The following L3MBTL1 variants were observed in gnomAD, a reference collection of about 807,000 sequenced individuals.
L3MBTL1 encodes lethal(3)malignant brain tumor-like protein 1.
In L3MBTL1, 75 loss-of-function variants were observed where a neutral mutation model predicts 105.3. The observed-to-expected ratio is 0.71, with a 90% CI of 0.59 to 0.86. The LOEUF is 0.86. Among genes scored for constraint, L3MBTL1 ranks in the 40% least tolerant of loss-of-function variants. The pLI is 0.00. For missense variants in L3MBTL1, 1,069 were observed against 1,126.4 expected (o/e 0.95, Z 0.73); for synonymous variants, 452 against 436.2 (o/e 1.04, Z -0.45).
rs766300931 is a variant in L3MBTL1 at position 43,540,196 on chromosome 20, T to C, written c.2219T>C (p.Leu740Pro). The C allele has an allele frequency of 1.9e-6, 3 of 1,613,394 alleles. No individual in the cohort carries two copies. The South Asian group carries it at 3.3e-5, about 18-fold the overall frequency. The change falls in exon 20 of 22, where the codon CTG becomes CCG. Residue 740 changes from leucine (L) to proline (P), a missense_variant. Coordinates refer to ENST00000418998, the MANE Select transcript of L3MBTL1 (RefSeq NM_001377303.1). ...VVHQSLFMSA[L>P]SAHPDRSLSV... ...CACCAGTCCCTCTTCATGTCAGCCC[T>C]GTCGGCCCACCCTGACCGCTCACTC... is the stretch of plus-strand genomic sequence containing the variant.
intron 19 of L3MBTL1, among the ~76,000 whole-genome samples, chr20:43,538,458 T>TA (rs2019743856): frequency 1.3e-5 from 2 of 152,224 alleles, no homozygotes; most frequent in African/African-American, 4.8e-5. Context: ...CCTGCTCTTC[T>TA]AGCTGGCCTG....
intron 15 of L3MBTL1, 108 bp downstream of exon 15, chr20:43,534,502 G>C: frequency 1.2e-6 from 1 of 860,726 alleles, no homozygotes; most frequent in Non-Finnish European, 1.9e-6. Flanking sequence ...TGAAGCCAAA[G>C]ATCTTGAATC....
chr20:43,540,174 C>T lies in L3MBTL1; in HGVS notation c.2197C>T (p.Gln733Ter). ...FQTLTPDVVH[Q>*]SLFMSALSAH... is the part of the protein sequence containing the mutation. ...AGCCCTCACGCCCGATGTCGTGCAC[C>T]AGTCCCTCTTCATGTCAGCCCTGTC... is the stretch of plus-strand genomic sequence containing the variant. Residue 733 changes from glutamine (Q) to a stop codon, truncating the protein, a stop_gained, in exon 20 of 22, where the codon CAG (glutamine) becomes TAG (stop). Coordinates refer to ENST00000418998, the MANE Select transcript of L3MBTL1 (RefSeq NM_001377303.1). LOFTEE classifies it high-confidence loss of function. 1 of 1,613,078 alleles carries T rather than the reference C, an allele frequency of 6.2e-7. No homozygotes were observed. The highest frequency in any genetic ancestry group is 1.3e-5 in the African/African-American group (1 of 75,048).
In L3MBTL1 at chr20:43,515,384, C is replaced by T. The variant is rs1317425430; in HGVS notation, c.746C>T (p.Pro249Leu). The change falls in exon 6 of 22, where the codon CCA becomes CTA. Residue 249 changes from proline (P) to leucine (L), a missense_variant. Coordinates refer to ENST00000418998, the MANE Select transcript of L3MBTL1 (RefSeq NM_001377303.1). ...KKRKRREYQS[P>L]SEEESEPEAM... ...AGGAAGCGCAGGGAATACCAGAGCC[C>T]ATCAGAGGAGGAGTCGGAGCCAGAG... 1.3e-6 allele frequency: 2 copies of T among 1,559,612 alleles called. No homozygotes were observed. The highest frequency in any genetic ancestry group is 1.4e-5 in the African/African-American group (1 of 73,818).
chr20:43,543,628 A>G (rs948514516), downstream of L3MBTL1, among the ~76,000 whole-genome samples: 1 of 152,190 alleles, frequency 6.6e-6, no homozygotes, highest in Non-Finnish European at 1.5e-5. Context: ...GGCCCATGTC[A>G]TCAGTTTCCC....
At chr20:43,523,228 A>T (rs1010442110) in intron 7 of L3MBTL1, 6 of 157,024 alleles carry the variant, frequency 3.8e-5, no homozygotes, top group African/African-American at 1.4e-4. Context: ...AAAGAGTCCA[A>T]GCTGGAAGAT....
intron 11 of L3MBTL1, 42 bp from the exon 12 acceptor site, chr20:43,532,731 C>A: frequency 6.2e-7 from 1 of 1,612,242 alleles, no homozygotes; most frequent in Non-Finnish European, 8.5e-7. Context: ...CTGGTCTTAG[C>A]CAGCTTGGCC....
At chr20:43,524,740 T>C (rs558316540) in intron 7 of L3MBTL1, among the ~76,000 whole-genome samples, 1 of 150,092 alleles carries the variant, frequency 6.7e-6, no homozygotes, top group Admixed American at 6.7e-5. Flanking sequence ...AATAGGCTAA[T>C]AGAACAAGGT....
intron 6 of L3MBTL1, 189 bp downstream of exon 6, chr20:43,515,604 T>C (rs2018349350): frequency 2.9e-6 from 2 of 679,000 alleles, no homozygotes; most frequent in Non-Finnish European, 2.4e-6. Context: ...AATTAATCAC[T>C]CTCTTGATTT....
chr20:43,523,248 T>C (rs1380705434), intron 7 of L3MBTL1: 1 of 165,390 alleles, frequency 6.0e-6, no homozygotes, highest in Non-Finnish European at 1.4e-5. Context: ...TGACTGCTAC[T>C]GATGGGGTTT....
intron 7 of L3MBTL1, among the ~76,000 whole-genome samples, chr20:43,524,559 C>G (rs2018916928): frequency 1.3e-5 from 2 of 152,274 alleles, no homozygotes; most frequent in African/African-American, 4.8e-5. Flanking sequence ...ACTCTGCCTG[C>G]TGGAGTATAG....
Position 43,533,342 on chromosome 20 carries a change from G to A in L3MBTL1, c.1437G>A (p.Trp479Ter), listed in dbSNP as rs2019437140. ...ACAGTGACATGTTCTTGGATTTCAG[G>A]TGTGATCCCAGCAGCCCCTACATCC... The part of the protein sequence containing the change: ...FDNWDDTYDY[W>*]CDPSSPYIHP... Residue 479 changes from tryptophan (W) to a stop codon, truncating the protein, a stop_gained and splice_region_variant, in exon 13 of 22, where the codon TGG becomes TGA. Transcript: ENST00000418998. LOFTEE classifies it high-confidence loss of function. 6.2e-7 allele frequency: 1 copy of A among 1,613,634 alleles called. No homozygotes were observed. The highest frequency in any genetic ancestry group is 8.5e-7 in the Non-Finnish European group (1 of 1,179,788).
intron 11 of L3MBTL1, 181 bp from the exon 12 acceptor site, chr20:43,532,592 C>T (rs2019397748): frequency 6.5e-6 from 4 of 619,042 alleles, no homozygotes; most frequent in South Asian, 2.2e-5. Context: ...TCCTGAGTGC[C>T]TCAGGGCTCA....
chr20:43,547,430 AGT>A (rs1385928483), intron 18 of L3MBTL1, among the ~76,000 whole-genome samples: 1 of 152,016 alleles, frequency 6.6e-6, no homozygotes, highest in East Asian at 1.9e-4. Context: ...AGTCTTTCAG[AGT>A]GTGGTTTTTT....
intron 7 of L3MBTL1, among the ~76,000 whole-genome samples, chr20:43,528,144 C>T (rs1029283659): frequency 2.0e-5 from 3 of 152,258 alleles, no homozygotes; most frequent in South Asian, 4.1e-4. Context: ...TCACCTGCCT[C>T]GGCCTCCCAA....
chr20:43,544,453 A>G (rs983176869), downstream of L3MBTL1, among the ~76,000 whole-genome samples: 4 of 152,166 alleles, frequency 2.6e-5, no homozygotes, highest in Admixed American at 6.5e-5. Flanking sequence ...TTTCCTGATC[A>G]TATGACTCAA....
intron 4 of L3MBTL1, 102 bp from the exon 5 acceptor site, chr20:43,514,907 C>A (rs1379679655): frequency 1.1e-5 from 16 of 1,477,646 alleles, no homozygotes; most frequent in Non-Finnish European, 1.5e-5. Flanking sequence ...CCATCCGATG[C>A]GGAGATGGAC....
At chr20:43,514,827 G>A in intron 4 of L3MBTL1, 51 bp downstream of exon 4, 6 of 1,492,572 alleles carry the variant, frequency 4.0e-6, no homozygotes, top group Non-Finnish European at 4.5e-6. Context: ...CGGGTGGGGC[G>A]AGGCCTGAGC....
Position 43,530,836 on chromosome 20 carries a change from C to T in L3MBTL1, c.1231C>T (p.Arg411Cys), listed in dbSNP as rs778710972. ...GGAGTTCAGCTGGAGCCAGTACCTG[C>T]GCAGCACAAGAGCTCAGGCTGCCCC... ...EEEFSWSQYL[R>C]STRAQAAPKH... Residue 411 changes from arginine (R) to cysteine (C), a missense_variant, in exon 11 of 22, where the codon CGC (arginine) becomes TGC (cysteine). By Grantham distance (180) the Arg-to-Cys change is radical (BLOSUM62 -3). Coordinates refer to ENST00000418998, the MANE Select transcript of L3MBTL1 (RefSeq NM_001377303.1). The T allele has an allele frequency of 3.1e-6, 5 of 1,614,130 alleles. No individual in the cohort carries two copies. Among genetic ancestry groups the T allele is most frequent in the South Asian group, 2.2e-5 (2 of 91,076 alleles).
Sources: allele counts gnomAD v4.1 joint callset (sites outside exome capture counted in the v4.1 genomes callset), GRCh38; gene constraint gnomAD v4.1.1; transcripts MANE v1.5; gene names NCBI Gene and HGNC (gene_info 2026-07-23, HGNC 2026-07-21).